The following HECA variants were observed in gnomAD, a reference collection of about 807,000 sequenced individuals.
HECA encodes headcase protein homolog.
In HECA, 13 loss-of-function variants were observed where a neutral mutation model predicts 37.6. That is an observed-to-expected ratio of 0.35 (90% CI 0.23 to 0.55). HECA has a LOEUF of 0.55. Ranked by LOEUF, HECA falls within the 20% of genes least tolerant of loss-of-function variation. The pLI, the probability that HECA is intolerant of heterozygous loss-of-function variation, is 0.90. For missense variants in HECA, 527 were observed against 701.9 expected, an observed-to-expected ratio of 0.75 and a Z score of 2.82; for synonymous variants, 307 against 291.5, an observed-to-expected ratio of 1.05 and a Z score of -0.54.
intron 1 of HECA, among the ~76,000 whole-genome samples, chr6:139,148,126 A>T (rs1243805529): frequency 6.6e-6 from 1 of 152,102 alleles, no homozygotes; most frequent in Non-Finnish European, 1.5e-5. Context: ...TTTTACTAAT[A>T]GGGTATTTGT....
intron 1 of HECA, among the ~76,000 whole-genome samples, chr6:139,156,234 C>A (rs1380079214): frequency 6.6e-6 from 1 of 151,914 alleles, no homozygotes; most frequent in African/African-American, 2.4e-5. Context: ...CAGGGTCTGG[C>A]TCTGTCACAC....
At chr6:139,135,739 T>G (rs1582931827) in intron 1 of HECA, 72 bp downstream of exon 1, 3 of 662,770 alleles carry the variant, frequency 4.5e-6, no homozygotes, top group Non-Finnish European at 5.6e-6. Context: ...GGGCCCTGGG[T>G]GGCGCGGGCG....
chr6:139,162,714 A>C (rs991623821), intron 1 of HECA, among the ~76,000 whole-genome samples: 1 of 152,212 alleles, frequency 6.6e-6, no homozygotes, highest in African/African-American at 2.4e-5. Flanking sequence ...TATAGGCTTT[A>C]TGGGTCCACA....
chr6:139,167,172 C>T lies in HECA; in HGVS notation c.1160C>T (p.Ala387Val), dbSNP rs562355741. Residue 387 changes from alanine to valine, a missense_variant, in exon 2 of 4, where the codon GCG becomes GTG. Transcript: ENST00000367658. ...GACTTGCGGAAGTTCATTCTGGCCG[C>T]GCTCAGTGCCAGCCACAGAAACGTG... ...GEDLRKFILA[A>V]LSASHRNVVN... The T allele has an allele frequency of 6.2e-6, 10 of 1,614,198 alleles. No homozygotes were observed. The highest frequency in any genetic ancestry group is 1.7e-5 in the Admixed American group (1 of 60,034).
intron 1 of HECA, among the ~76,000 whole-genome samples, chr6:139,162,811 A>C (rs567750522): frequency 6.6e-6 from 1 of 152,208 alleles, no homozygotes; most frequent in African/African-American, 2.4e-5. Flanking sequence ...GTTGTTGAGT[A>C]GAGGAGTCAC....
At chr6:139,155,316 C>T (rs1425563699) in intron 1 of HECA, among the ~76,000 whole-genome samples, 1 of 152,132 alleles carries the variant, frequency 6.6e-6, no homozygotes, top group Non-Finnish European at 1.5e-5. Context: ...ATGAAAGGAG[C>T]TTTCAGGACT....
chr6:139,136,318 G>A (rs1191911277), intron 1 of HECA, among the ~76,000 whole-genome samples: 1 of 150,616 alleles, frequency 6.6e-6, no homozygotes, highest in East Asian at 1.9e-4. Flanking sequence ...CATTCTCTAT[G>A]TCATTGTGCT....
chr6:139,168,124 C>G (rs1421299521), intron 2 of HECA, among the ~76,000 whole-genome samples: 1 of 152,180 alleles, frequency 6.6e-6, no homozygotes, highest in Non-Finnish European at 1.5e-5. Flanking sequence ...ATTTTCAAAT[C>G]TTAGCTGATG....
chr6:139,155,987 C>A (rs1162200730), intron 1 of HECA, among the ~76,000 whole-genome samples: 1 of 151,966 alleles, frequency 6.6e-6, no homozygotes, highest in Non-Finnish European at 1.5e-5. Context: ...TGCTTTCTTA[C>A]CCAGTGGCAC....
intron 3 of HECA, 127 bp downstream of exon 3, chr6:139,174,666 TG>T: frequency 2.2e-6 from 3 of 1,363,880 alleles, no homozygotes; most frequent in Non-Finnish European, 2.9e-6. Context: ...AGTTACTACT[TG>T]TAATGTAGTC....
At chr6:139,143,252 C>T (rs1366060570) in intron 1 of HECA, among the ~76,000 whole-genome samples, 2 of 152,148 alleles carry the variant, frequency 1.3e-5, no homozygotes, top group Non-Finnish European at 2.9e-5. Context: ...ATGTGAAAGA[C>T]GTTGGCACAG....
intron 1 of HECA, among the ~76,000 whole-genome samples, chr6:139,165,044 C>T (rs1227751125): frequency 6.6e-6 from 1 of 152,146 alleles, no homozygotes; most frequent in Non-Finnish European, 1.5e-5. Flanking sequence ...ATTAATGATC[C>T]TTTATGTGCC....
rs1554218344 is a variant in HECA, at chr6:139,166,265, C to G, written c.272-19C>G. Reference sequence around the variant, plus strand: ...AATCCAAAAATCTGAAATCTGTTCTCTCTTTATTCCTCCCCCAGAAGCCCC... The same window carrying G: ...AATCCAAAAATCTGAAATCTGTTCTGTCTTTATTCCTCCCCCAGAAGCCCC... On this transcript the variant is annotated intron_variant, in intron 1 of 3. Coordinates refer to ENST00000367658, the MANE Select transcript of HECA (RefSeq NM_016217.3). 7 of 1,566,728 alleles carry G rather than the reference C, an allele frequency of 4.5e-6. No individual in the cohort carries two copies. The Admixed American group carries it at 1.3e-4, about 29-fold the overall frequency.
At chr6:139,174,698 G>A in intron 3 of HECA, 159 bp downstream of exon 3, 1 of 1,039,856 alleles carries the variant, frequency 9.6e-7, no homozygotes, top group Non-Finnish European at 1.3e-6. Flanking sequence ...ATACTATTCA[G>A]TCATTAAAAG....
At chr6:139,174,038 G>T (rs945157671) in intron 2 of HECA, among the ~76,000 whole-genome samples, 2 of 152,204 alleles carry the variant, frequency 1.3e-5, no homozygotes, top group Non-Finnish European at 2.9e-5. Flanking sequence ...TTTTGAGCAG[G>T]AAGTCCTGCG....
At chr6:139,140,019 G>A (rs1774494978) in intron 1 of HECA, among the ~76,000 whole-genome samples, 1 of 152,200 alleles carries the variant, frequency 6.6e-6, no homozygotes, top group Admixed American at 6.5e-5. Flanking sequence ...AACGCATTCT[G>A]AATTCCATAT....
Position 139,135,338 on chromosome 6 carries a change from G to A in HECA, c.-59G>A. 1 of 1,245,458 alleles carries A rather than the reference G, an allele frequency of 8.0e-7. No homozygotes were observed. The highest frequency in any genetic ancestry group is 1.0e-6 in the Non-Finnish European group (1 of 964,558). The allele number at this position is 1,245,458 out of a possible 1,614,324, so 77.2% of individuals were successfully genotyped here. A position where few individuals can be genotyped will look rare whatever the true frequency, so the allele number is the denominator to read the frequency against. On this transcript the variant is annotated 5_prime_UTR_variant, in exon 1 of 4. It adds an upstream start codon to the 5' untranslated region. Coordinates refer to ENST00000367658, the MANE Select transcript of HECA (RefSeq NM_016217.3). ...GCTTCACGCAGGGCCGGGAACGGCC[G>A]TGCCTCTGGGATCCGCCTTCGCTGA...
chr6:139,145,942 C>CT (rs1774579290), intron 1 of HECA, among the ~76,000 whole-genome samples: 1 of 152,090 alleles, frequency 6.6e-6, no homozygotes, highest in Non-Finnish European at 1.5e-5. Context: ...AGAGCCTCTG[C>CT]TTTTAGGCCA....
At chr6:139,164,065 C>CA (rs1774846119) in intron 1 of HECA, among the ~76,000 whole-genome samples, 3 of 120,268 alleles carry the variant, frequency 2.5e-5, no homozygotes, top group Non-Finnish European at 5.2e-5. Context: ...CACACACACA[C>CA]AAACACACAC....
Sources: allele counts gnomAD v4.1 joint callset (sites outside exome capture counted in the v4.1 genomes callset), GRCh38; gene constraint gnomAD v4.1.1; transcripts MANE v1.5; gene names NCBI Gene and HGNC (gene_info 2026-07-23, HGNC 2026-07-21).